UQCC1: variants seen among roughly 807,000 people sequenced by gnomAD.
UQCC1 encodes ubiquinol-cytochrome c reductase complex assembly factor 1, also known as bFGF-repressed Zic-binding protein.
In UQCC1, 38 loss-of-function variants were observed where a neutral mutation model predicts 48.0. The observed-to-expected ratio is 0.79, with a 90% confidence interval of 0.61 to 1.04. The LOEUF (loss-of-function observed/expected upper bound fraction) is 1.04, where lower values mean the gene tolerates loss of function less well. Ranked by LOEUF, UQCC1 falls within the 50% of genes least tolerant of loss-of-function variation. UQCC1 has a pLI of 0.00. For synonymous variants in UQCC1, 111 were observed against 129.2 expected, an observed-to-expected ratio of 0.86 and a Z score of 0.95; for missense variants, 368 against 381.8, an observed-to-expected ratio of 0.96 and a Z score of 0.30.
At chr20:35,316,057 A>C (rs890203227) in intron 7 of UQCC1, among the ~76,000 whole-genome samples, 3 of 152,194 alleles carry the variant, frequency 2.0e-5, no homozygotes, top group Non-Finnish European at 4.4e-5. Flanking sequence ...ACCTCCAGAC[A>C]GTAACACGCT....
In UQCC1 at chr20:35,383,630, G is replaced by A. The variant is rs187643862; in HGVS notation, c.225+408C>T. Among the ~76,000 whole-genome samples, 32 of 152,154 alleles carry A rather than the reference G, an allele frequency of 2.1e-4. 1 individual carries two copies. The highest frequency in any genetic ancestry group is 7.2e-4 in the African/African-American group (30 of 41,526). ...TTAGGGAGGCTGAGGCAGGAGGATC[G>A]CTTGAAGCCAGGAGTTTGAGACCAA... On this transcript the variant is annotated intron_variant, in intron 3 of 9. Transcript: ENST00000374385.
intron 1 of UQCC1, among the ~76,000 whole-genome samples, chr20:35,399,856 C>A (rs1340886930): frequency 8.1e-4 from 81 of 100,122 alleles, no homozygotes; most frequent in African/African-American, 1.2e-3. Context: ...AGACTCCACT[C>A]AAAAAAAAAA....
intron 1 of UQCC1, among the ~76,000 whole-genome samples, chr20:35,396,975 C>T (rs1170222779): frequency 2.6e-5 from 4 of 152,064 alleles, no homozygotes; most frequent in African/African-American, 4.8e-5. Flanking sequence ...ATGTATAACA[C>T]AGTCAGCCCT....
At chr20:35,358,155 A>T (rs2061566874) in intron 6 of UQCC1, among the ~76,000 whole-genome samples, 1 of 152,046 alleles carries the variant, frequency 6.6e-6, no homozygotes, top group Admixed American at 6.6e-5. Flanking sequence ...GGAGTTTGAG[A>T]CCAGCCTGGC....
chr20:35,309,837 AAG>A (rs2060970823), intron 8 of UQCC1, among the ~76,000 whole-genome samples: 1 of 152,252 alleles, frequency 6.6e-6, no homozygotes, highest in Non-Finnish European at 1.5e-5. Context: ...CTAGGAACAC[AAG>A]AGTCACAGCA....
intron 2 of UQCC1, chr20:35,386,191 T>C: frequency 2.7e-6 from 1 of 365,562 alleles, no homozygotes; most frequent in South Asian, 2.1e-5. Flanking sequence ...GTTAGAATTA[T>C]GGATAAATTT....
At chr20:35,308,171 T>C (rs1424404867) in intron 8 of UQCC1, among the ~76,000 whole-genome samples, 1 of 152,246 alleles carries the variant, frequency 6.6e-6, no homozygotes, top group Non-Finnish European at 1.5e-5. Flanking sequence ...CAGTATGGGG[T>C]GCTGACAGTT....
chr20:35,360,800 C>T (rs1404323713), intron 6 of UQCC1, among the ~76,000 whole-genome samples: 1 of 152,110 alleles, frequency 6.6e-6, no homozygotes, highest in Non-Finnish European at 1.5e-5. Context: ...ACACGGGGCC[C>T]ATCATACAGC....
Position 35,384,079 on chromosome 20 carries a change from T to G in UQCC1, c.184A>C (p.Ile62Leu). 6.2e-7 allele frequency: 1 copy of G among 1,613,150 alleles called. No individual in the cohort carries two copies. The highest frequency in any genetic ancestry group is 1.3e-5 in the African/African-American group (1 of 75,040). Residue 62 changes from isoleucine to leucine, a missense_variant, in exon 3 of 10, where the codon ATA becomes CTA. Transcript: ENST00000374385. ...ACGGSEQIPG[I>L]DIQLNRKYHT... ...TACTTCCTATTCAGCTGTATGTCTA[T>G]TCCAGGAATCTGTTCTGATCCACCA...
At chr20:35,407,098 G>C (rs1386807273) in intron 1 of UQCC1, among the ~76,000 whole-genome samples, 1 of 152,176 alleles carries the variant, frequency 6.6e-6, no homozygotes, top group Admixed American at 6.5e-5. Context: ...TCATGACATT[G>C]GATTTTGCAA....
intron 7 of UQCC1, among the ~76,000 whole-genome samples, chr20:35,329,386 T>C (rs1194019633): frequency 6.6e-6 from 1 of 152,174 alleles, no homozygotes; most frequent in Non-Finnish European, 1.5e-5. Flanking sequence ...TTATAGTTCC[T>C]CCTGCTCCTT....
chr20:35,345,606 G>C (rs78386498), intron 7 of UQCC1: 3 of 152,126 alleles, frequency 2.0e-5, no homozygotes, highest in Non-Finnish European at 2.9e-5. Flanking sequence ...CGAAGGATAC[G>C]CATCAACTCA....
chr20:35,360,744 G>T (rs939053536), intron 6 of UQCC1, among the ~76,000 whole-genome samples: 1 of 152,058 alleles, frequency 6.6e-6, no homozygotes, highest in Non-Finnish European at 1.5e-5. Flanking sequence ...CTAGTTTCAG[G>T]TTTACCTGTG....
chr20:35,306,560 C>T, intron 9 of UQCC1, 106 bp downstream of exon 9: 1 of 840,262 alleles, frequency 1.2e-6, no homozygotes, highest in South Asian at 1.5e-5. Flanking sequence ...GGTCAGAATT[C>T]TCTCAGGCTG....
intron 6 of UQCC1, among the ~76,000 whole-genome samples, chr20:35,350,234 C>T (rs1415864553): frequency 6.6e-6 from 1 of 152,100 alleles, no homozygotes; most frequent in Non-Finnish European, 1.5e-5. Flanking sequence ...CTCAAGCCAT[C>T]CTTCCACCTC....
intron 1 of UQCC1, among the ~76,000 whole-genome samples, chr20:35,402,999 G>A (rs886364167): frequency 5.3e-5 from 8 of 152,026 alleles, no homozygotes; most frequent in East Asian, 1.9e-4. Flanking sequence ...CCCGGGAGGC[G>A]GAGGTTGCAG....
intron 6 of UQCC1, among the ~76,000 whole-genome samples, chr20:35,351,524 A>G (rs1332729490): frequency 6.6e-6 from 1 of 152,206 alleles, no homozygotes; most frequent in Non-Finnish European, 1.5e-5. Flanking sequence ...GTCCTTTTTC[A>G]TAAGACTTTT....
At chr20:35,338,883 A>T (rs1568666107) in intron 7 of UQCC1, among the ~76,000 whole-genome samples, 2 of 81,474 alleles carry the variant, frequency 2.5e-5, no homozygotes, top group African/African-American at 2.0e-4. Flanking sequence ...AAAAAAAAAA[A>T]AAAAAAAAAA....
intron 2 of UQCC1, among the ~76,000 whole-genome samples, chr20:35,385,840 TA>T (rs1385950635): frequency 6.7e-6 from 1 of 149,766 alleles, no homozygotes; most frequent in Non-Finnish European, 1.5e-5. Flanking sequence ...TTTTTTTAAA[TA>T]GACTTTTTTT....
Sources: gnomAD v4.1 joint callset for allele counts (sites outside exome capture counted in the v4.1 genomes callset) on GRCh38, gnomAD v4.1.1 for gene constraint, MANE v1.5 for transcripts, NCBI Gene and HGNC (gene_info 2026-07-23, HGNC 2026-07-21) for gene names.